EDNRB: variants seen among roughly 807,000 people sequenced by gnomAD.
EDNRB encodes Hirschsprung disease 2.
EDNRB carries 18 observed loss-of-function variants against 46.4 expected under a neutral mutation model. That is an observed-to-expected ratio of 0.39 (90% confidence interval 0.27 to 0.57). The LOEUF is 0.57. EDNRB is among the 20% of genes least tolerant of loss of function. EDNRB has a pLI of 0.61. For missense variants in EDNRB, 434 were observed against 537.5 expected (o/e 0.81, Z 1.90); for synonymous variants, 213 against 204.9 (o/e 1.04, Z -0.34).
At chr13:77,934,857 G>C (rs1880514577) in intron 1 of EDNRB, among the ~76,000 whole-genome samples, 1 of 152,116 alleles carries the variant, frequency 6.6e-6, no homozygotes, top group African/African-American at 2.4e-5. Context: ...GATTATGCCT[G>C]GTGGAACTGC....
At position 77,903,486 on chromosome 13, in the gene EDNRB, A is replaced by G; in HGVS notation, c.596+9T>C. 1 of 1,612,290 alleles carries G rather than the reference A, an allele frequency of 6.2e-7. No individual in the cohort carries two copies. Among genetic ancestry groups the G allele is most frequent in the Non-Finnish European group, 8.5e-7 (1 of 1,178,732 alleles). On this transcript the variant is annotated intron_variant, in intron 2 of 6. Coordinates refer to ENST00000646607, the MANE Select transcript of EDNRB (RefSeq NM_001122659.3). ...TCAGAATATACTTGGATTAAATAGA[A>G]GCTTCTACCTGTCAATACTCAGAGC... is the stretch of plus-strand genomic sequence containing the variant.
intron 1 of EDNRB, 126 bp from the exon 2 acceptor site, chr13:77,903,733 G>T: frequency 1.3e-6 from 1 of 792,550 alleles, no homozygotes; most frequent in East Asian, 2.6e-5. Flanking sequence ...TTTTTCTCAT[G>T]GACTACTTCT....
chr13:77,943,313 A>G (rs942633660), intron 1 of EDNRB, among the ~76,000 whole-genome samples: 4 of 152,126 alleles, frequency 2.6e-5, no homozygotes, highest in Admixed American at 6.5e-5. Flanking sequence ...GTTGAAACCC[A>G]TGACATTAAA....
At chr13:77,924,120 ACTTTCAGGCCAAGAGTCATGGCATG>A (rs1250815195), upstream of EDNRB, among the ~76,000 whole-genome samples, 13 of 152,324 alleles carry the variant, frequency 8.5e-5, no homozygotes, top group East Asian at 2.5e-3. Flanking sequence ...GAACAATTTA[ACTTTCAGGCCAAGAGTCATGGCATG>A]CTTTTGTCAA....
At chr13:77,931,243 TAG>T (rs1318398177) in intron 1 of EDNRB, among the ~76,000 whole-genome samples, 2 of 152,192 alleles carry the variant, frequency 1.3e-5, no homozygotes, top group South Asian at 2.1e-4. Context: ...TGAGTTTTAT[TAG>T]AGTTTGTATT....
chr13:77,955,187 A>T (rs779618768), intron 1 of EDNRB, among the ~76,000 whole-genome samples: 3 of 152,216 alleles, frequency 2.0e-5, no homozygotes, highest in Non-Finnish European at 4.4e-5. Flanking sequence ...ATATGATGAT[A>T]TCTCATTGTG....
At chr13:77,968,227 T>C (rs1390489285) in intron 1 of EDNRB, among the ~76,000 whole-genome samples, 1 of 152,052 alleles carries the variant, frequency 6.6e-6, no homozygotes, top group African/African-American at 2.4e-5. Context: ...ACAACTCTGT[T>C]ATCTTAAGCA....
At chr13:77,907,558 T>A (rs1446855421) in intron 1 of EDNRB, among the ~76,000 whole-genome samples, 1 of 152,026 alleles carries the variant, frequency 6.6e-6, no homozygotes, top group Non-Finnish European at 1.5e-5. Flanking sequence ...ATCCCACTGG[T>A]TCTGTTTCTC....
At chr13:77,919,605 C>T, upstream of EDNRB, 5 of 1,606,524 alleles carry the variant, frequency 3.1e-6, no homozygotes, top group Non-Finnish European at 3.4e-6. Flanking sequence ...CAGACAAGTA[C>T]TTTTATTCAT....
intron 1 of EDNRB, among the ~76,000 whole-genome samples, chr13:77,938,207 T>C (rs953653949): frequency 2.7e-5 from 4 of 149,258 alleles, no homozygotes; most frequent in Non-Finnish European, 4.5e-5. Context: ...AAAGAGAGAG[T>C]AGAGACACAG....
intron 3 of EDNRB, among the ~76,000 whole-genome samples, chr13:77,902,939 A>C (rs1879074143): frequency 6.6e-6 from 1 of 151,964 alleles, no homozygotes; most frequent in African/African-American, 2.4e-5. Flanking sequence ...TATCTATGCC[A>C]CTGAGATCAA....
At chr13:77,964,892 A>T (rs1359029018) in intron 1 of EDNRB, among the ~76,000 whole-genome samples, 1 of 152,186 alleles carries the variant, frequency 6.6e-6, no homozygotes, top group Admixed American at 6.5e-5. Context: ...TCTCATGAAT[A>T]GTAGAAGAGA....
intron 1 of EDNRB, among the ~76,000 whole-genome samples, chr13:77,946,259 C>T (rs906289520): frequency 1.3e-5 from 2 of 151,962 alleles, no homozygotes; most frequent in African/African-American, 2.4e-5. Context: ...GTATAGAATC[C>T]CATTCTGGGG....
chr13:77,919,401 C>G, upstream of EDNRB: 1 of 1,610,512 alleles, frequency 6.2e-7, no homozygotes, highest in Non-Finnish European at 8.5e-7. Flanking sequence ...GTTTACCTCT[C>G]GGATCTGACA....
intron 1 of EDNRB, among the ~76,000 whole-genome samples, chr13:77,931,357 G>A (rs996492403): frequency 6.6e-6 from 1 of 151,926 alleles, no homozygotes; most frequent in Non-Finnish European, 1.5e-5. Flanking sequence ...GAATAAACCT[G>A]CTTATAAATG....
chr13:77,923,563 G>A (rs1167858597), upstream of EDNRB, among the ~76,000 whole-genome samples: 1 of 152,134 alleles, frequency 6.6e-6, no homozygotes, highest in Admixed American at 6.5e-5. Flanking sequence ...ACTCTTTGGG[G>A]AGTTGTTATT....
chr13:77,953,608 CCTT>C (rs1341244506), intron 1 of EDNRB, among the ~76,000 whole-genome samples: 2 of 151,924 alleles, frequency 1.3e-5, no homozygotes, highest in Admixed American at 1.3e-4. Context: ...CGATGGAAAA[CCTT>C]AAAAGTAGAG....
chr13:77,934,357 T>G (rs1303894928), intron 1 of EDNRB, among the ~76,000 whole-genome samples: 1 of 152,144 alleles, frequency 6.6e-6, no homozygotes, highest in Non-Finnish European at 1.5e-5. Context: ...CTACTTTTCC[T>G]GAAGACTGAG....
chr13:77,974,274 G>A (rs142814387), intron 1 of EDNRB, among the ~76,000 whole-genome samples: 2,173 of 151,918 alleles, frequency 0.014, 45 homozygotes, highest in East Asian at 0.024. Flanking sequence ...GAACTAGTGA[G>A]GTGTGCTCAC....
Sources: allele counts gnomAD v4.1 joint callset (sites outside exome capture counted in the v4.1 genomes callset), GRCh38; gene constraint gnomAD v4.1.1; transcripts MANE v1.5; gene names NCBI Gene and HGNC (gene_info 2026-07-23, HGNC 2026-07-21).